The following PCOLCE2 variants were observed in gnomAD, a reference collection of about 807,000 sequenced individuals.
PCOLCE2 encodes the protein procollagen C-endopeptidase enhancer 2, also known as procollagen C-proteinase enhancer 2.
PCOLCE2 carries 42 observed loss-of-function variants against 47.0 expected under a neutral mutation model. That is an observed-to-expected ratio of 0.89 (90% CI 0.70 to 1.16). PCOLCE2 has a LOEUF of 1.16. PCOLCE2 is among the 50% of genes most tolerant of loss of function. PCOLCE2 has a pLI of 0.00. For synonymous variants in PCOLCE2, 169 were observed against 191.7 expected, an observed-to-expected ratio of 0.88 and a Z score of 0.98; for missense variants, 500 against 526.1, an observed-to-expected ratio of 0.95 and a Z score of 0.49.
chr3:142,827,401 C>T (rs868294924), intron 6 of PCOLCE2: 1 of 1,567,088 alleles, frequency 6.4e-7, no homozygotes, highest in Non-Finnish European at 8.8e-7. Context: ...AGGAGACAAC[C>T]TTCTTGGAGC....
chr3:142,863,623 T>C (rs1227426376), intron 2 of PCOLCE2, among the ~76,000 whole-genome samples: 1 of 152,010 alleles, frequency 6.6e-6, no homozygotes, highest in Non-Finnish European at 1.5e-5. Context: ...GAAGAGGGTG[T>C]GGGAAGGGCT....
In PCOLCE2 at chr3:142,884,161, C is replaced by T. The variant is rs1348227459; in HGVS notation, c.192+3508G>A. Among the ~76,000 whole-genome samples, 3 of 152,186 alleles carry T rather than the reference C, an allele frequency of 2.0e-5. No homozygotes were observed. The East Asian group carries it at 5.8e-4, about 29-fold the overall frequency. ...CTCAGAGATTTTTTACTGTTGTCTC[C>T]TGCATACAATCTCAAACTGCAGAAG... On this transcript the variant is annotated intron_variant, in intron 2 of 8. Transcript: ENST00000295992.
chr3:142,880,046 C>A (rs183757377), intron 2 of PCOLCE2, among the ~76,000 whole-genome samples: 2 of 145,770 alleles, frequency 1.4e-5, no homozygotes, highest in Non-Finnish European at 3.0e-5. Flanking sequence ...AACAACCCCA[C>A]CCCCCCAAAA....
intron 2 of PCOLCE2, among the ~76,000 whole-genome samples, chr3:142,861,955 CG>C (rs1933189991): frequency 6.6e-6 from 1 of 152,184 alleles, no homozygotes; most frequent in Non-Finnish European, 1.5e-5. Context: ...CAGCTTTCAT[CG>C]GAGGAGCAGG....
At chr3:142,857,113 C>T (rs1933078363) in intron 2 of PCOLCE2, among the ~76,000 whole-genome samples, 1 of 152,142 alleles carries the variant, frequency 6.6e-6, no homozygotes, top group Non-Finnish European at 1.5e-5. Context: ...CTGTACTTTC[C>T]CATGCTTCCT....
intron 6 of PCOLCE2, among the ~76,000 whole-genome samples, chr3:142,824,812 G>A (rs1434142152): frequency 1.3e-5 from 2 of 152,008 alleles, no homozygotes. Context: ...ATTTTTAGTA[G>A]AGATTTCATT....
At chr3:142,882,400 A>C (rs1933642255) in intron 2 of PCOLCE2, among the ~76,000 whole-genome samples, 1 of 152,116 alleles carries the variant, frequency 6.6e-6, no homozygotes, top group Non-Finnish European at 1.5e-5. Flanking sequence ...GTGGACCCCA[A>C]GACTAAATTT....
chr3:142,849,854 G>A (rs187790125), intron 2 of PCOLCE2, among the ~76,000 whole-genome samples: 28 of 152,162 alleles, frequency 1.8e-4, no homozygotes, highest in African/African-American at 5.1e-4. Flanking sequence ...ACATTAATAC[G>A]GCTTCCCCAT....
At chr3:142,848,145 T>A (rs760435621) in intron 3 of PCOLCE2, 72 bp downstream of exon 3, 3 of 1,479,818 alleles carry the variant, frequency 2.0e-6, no homozygotes, top group Non-Finnish European at 2.8e-6. Flanking sequence ...TTTAAAGGAG[T>A]AAATAAACAT....
chr3:142,872,915 A>G (rs765874165), intron 2 of PCOLCE2, among the ~76,000 whole-genome samples: 15 of 152,360 alleles, frequency 9.8e-5, no homozygotes, highest in Non-Finnish European at 2.1e-4. Context: ...TTTTCCCCCA[A>G]AAGATTTATG....
chr3:142,829,453 C>T (rs932317881), intron 6 of PCOLCE2, among the ~76,000 whole-genome samples: 4 of 152,092 alleles, frequency 2.6e-5, no homozygotes, highest in Non-Finnish European at 1.5e-5. Flanking sequence ...TAATAGGCTT[C>T]CTAGTCATTG....
chr3:142,850,594 A>C (rs1030574142), intron 2 of PCOLCE2, among the ~76,000 whole-genome samples: 2 of 152,212 alleles, frequency 1.3e-5, no homozygotes, highest in African/African-American at 4.8e-5. Flanking sequence ...AACTGAGTTA[A>C]GTGCTGCTGC....
chr3:142,882,004 T>C (rs541701227), intron 2 of PCOLCE2, among the ~76,000 whole-genome samples: 127 of 152,202 alleles, frequency 8.3e-4, no homozygotes, highest in African/African-American at 2.8e-3. Context: ...TGTGACTCTC[T>C]GGCCCTCCCA....
At chr3:142,878,876 T>C (rs1933552171) in intron 2 of PCOLCE2, among the ~76,000 whole-genome samples, 1 of 151,664 alleles carries the variant, frequency 6.6e-6, no homozygotes, top group Admixed American at 6.6e-5. Flanking sequence ...CCGAAAGAAC[T>C]TCTTAGAATT....
intron 2 of PCOLCE2, among the ~76,000 whole-genome samples, chr3:142,870,083 T>A (rs938882969): frequency 9.8e-5 from 15 of 152,378 alleles, no homozygotes; most frequent in African/African-American, 3.6e-4. Flanking sequence ...TATGTCAATC[T>A]GTTAGGTAAT....
At chr3:142,848,188 T>C (rs3816690) in intron 3 of PCOLCE2, 29 bp downstream of exon 3, 90,049 of 1,605,068 alleles carry the variant, frequency 0.056, 2,776 homozygotes, top group South Asian at 0.098. Context: ...AACATTACTG[T>C]TGTTATTGCC....
At chr3:142,819,796 C>T (rs142495821) in intron 8 of PCOLCE2, among the ~76,000 whole-genome samples, 101 of 152,222 alleles carry the variant, frequency 6.6e-4, no homozygotes, top group Admixed American at 1.6e-3. Context: ...CAGGTGCGCA[C>T]CACCACACCC....
At chr3:142,822,286 A>C (rs537539555) in intron 7 of PCOLCE2, among the ~76,000 whole-genome samples, 3 of 152,166 alleles carry the variant, frequency 2.0e-5, no homozygotes, top group South Asian at 4.2e-4. Context: ...TGTGACAACC[A>C]AAAAAATGCA....
rs193158135 is a variant in PCOLCE2 at position 142,860,413 on chromosome 3, A to G, written c.193-11941T>C. On this transcript the variant is annotated intron_variant, in intron 2 of 8. Transcript: ENST00000295992. ...ATTTTTTTTCATTTTTCCTAAAGCT[A>G]ATAATTGCCTTTTTGTTGTTGTTGT... is the stretch of plus-strand genomic sequence containing the variant. 7.3e-5 allele frequency among the ~76,000 whole-genome samples: 11 copies of G among 151,102 alleles called. No individual in the cohort carries two copies. In the East Asian group the frequency reaches 2.1e-3, roughly 29 times the overall value.
Sources: gnomAD v4.1 joint callset for allele counts (sites outside exome capture counted in the v4.1 genomes callset) on GRCh38, gnomAD v4.1.1 for gene constraint, MANE v1.5 for transcripts, NCBI Gene and HGNC (gene_info 2026-07-23, HGNC 2026-07-21) for gene names.